NEBL: variants seen among roughly 807,000 people sequenced by gnomAD.
The protein encoded by NEBL is LIM and SH3 protein 2.
In NEBL, 122 loss-of-function variants were observed where a neutral mutation model predicts 140.2. That is an observed-to-expected ratio of 0.87 (90% CI 0.75 to 1.01). NEBL has a LOEUF of 1.01. Ranked by LOEUF, NEBL falls within the 50% of genes least tolerant of loss-of-function variation. NEBL has a pLI of 0.00. For missense variants in NEBL, 1,365 were observed against 1,231.3 expected (o/e 1.11, Z -1.62); for synonymous variants, 436 against 398.9 (o/e 1.09, Z -1.11).
rs186286292 is a variant in NEBL at position 21,258,032 on chromosome 10, G to C, written n.183-6204C>G. ...AGGGCCTGAGATAAGATCTTGTGTTGTATTTTGTTTGGAAGATGATTCCGG... is the reference window on the plus strand; with the variant it reads ...AGGGCCTGAGATAAGATCTTGTGTTCTATTTTGTTTGGAAGATGATTCCGG... On this transcript the variant is annotated intron_variant and non_coding_transcript_variant, in intron 1 of 8. Transcript: ENST00000675702. Among the ~76,000 whole-genome samples, 298 of 152,298 alleles carry C rather than the reference G, an allele frequency of 2.0e-3. 3 individuals carry two copies. Among genetic ancestry groups the C allele is most frequent in the Middle Eastern group, 3.4e-3 (1 of 294 alleles).
At chr10:21,227,785 C>CT (rs1564546075) in intron 3 of NEBL, among the ~76,000 whole-genome samples, 31 of 130,356 alleles carry the variant, frequency 2.4e-4, no homozygotes, top group African/African-American at 8.0e-4. Context: ...CTTCTTCTTT[C>CT]TCTTCTTTCT....
chr10:21,128,439 C>G (rs545886664), intron 2 of NEBL, among the ~76,000 whole-genome samples: 2 of 152,122 alleles, frequency 1.3e-5, no homozygotes, highest in South Asian at 4.2e-4. Context: ...CTCATGTACA[C>G]TTTACACATG....
chr10:21,009,950 G>A (rs77627056), intron 3 of NEBL, among the ~76,000 whole-genome samples: 2,130 of 152,226 alleles, frequency 0.014, 50 homozygotes, highest in African/African-American at 0.047. Flanking sequence ...CAGGCTGCTG[G>A]TTACCCCTAG....
chr10:21,206,236 C>T (rs1841822924), intron 3 of NEBL, among the ~76,000 whole-genome samples: 1 of 152,142 alleles, frequency 6.6e-6, no homozygotes, highest in South Asian at 2.1e-4. Context: ...CCTAAGGAGA[C>T]AGAATTAAGT....
intron 24 of NEBL, among the ~76,000 whole-genome samples, chr10:20,810,349 G>A (rs186091282): frequency 7.3e-4 from 111 of 151,808 alleles, no homozygotes; most frequent in African/African-American, 2.5e-3. Context: ...AGAAGTTTAT[G>A]TTTAAAAAAC....
intron 18 of NEBL, 123 bp downstream of exon 18, chr10:20,826,324 T>C (rs1160661401): frequency 2.4e-5 from 19 of 790,398 alleles, no homozygotes; most frequent in South Asian, 1.8e-4. Flanking sequence ...TATGATGAAA[T>C]AGCATTTCAA....
rs149952543 is a variant in NEBL, at chr10:20,913,882, G to C, written c.357+47790C>G. 6.3e-3 allele frequency among the ~76,000 whole-genome samples: 953 copies of C among 152,244 alleles called. 9 individuals are homozygous for C. Among genetic ancestry groups the C allele is most frequent in the African/African-American group, 0.021 (880 of 41,542 alleles). Reference sequence around the variant, plus strand: ...GAGCCATTTATGTTCAAAAACTGGAGTTTTCTTTTTCAGGCTGTTAGCCTT... The same window carrying C: ...GAGCCATTTATGTTCAAAAACTGGACTTTTCTTTTTCAGGCTGTTAGCCTT... On this transcript the variant is annotated intron_variant, in intron 4 of 6. Coordinates refer to the NEBL transcript ENST00000417816.
intron 4 of NEBL, among the ~76,000 whole-genome samples, chr10:20,948,989 C>T (rs1423606480): frequency 4.6e-5 from 7 of 152,194 alleles, no homozygotes; most frequent in African/African-American, 1.7e-4. Context: ...GTGGCAAACA[C>T]ATATGTCACA....
At chr10:21,235,186 C>T (rs1475801350) in intron 3 of NEBL, among the ~76,000 whole-genome samples, 1 of 152,040 alleles carries the variant, frequency 6.6e-6, no homozygotes, top group Non-Finnish European at 1.5e-5. Context: ...GTCCCAGCTG[C>T]TCGGGAAGCT....
intron 2 of NEBL, among the ~76,000 whole-genome samples, chr10:21,059,126 C>T (rs1210502722): frequency 6.6e-6 from 1 of 152,166 alleles, no homozygotes; most frequent in Non-Finnish European, 1.5e-5. Context: ...TACTATTAAC[C>T]ACCACCCCCA....
At chr10:20,892,704 G>A (rs1847130880) in intron 2 of NEBL, among the ~76,000 whole-genome samples, 1 of 152,178 alleles carries the variant, frequency 6.6e-6, no homozygotes, top group Admixed American at 6.5e-5. Flanking sequence ...GATGAATTTA[G>A]TGCAGGGTCG....
intron 4 of NEBL, among the ~76,000 whole-genome samples, chr10:20,937,727 G>C (rs1336951586): frequency 2.6e-5 from 4 of 152,122 alleles, no homozygotes; most frequent in African/African-American, 7.2e-5. Flanking sequence ...TGGAAAATCG[G>C]GTCACTCCCA....
At chr10:20,903,164 T>C (rs1325026488) in intron 4 of NEBL, among the ~76,000 whole-genome samples, 2 of 152,174 alleles carry the variant, frequency 1.3e-5, no homozygotes, top group African/African-American at 4.8e-5. Context: ...TTCCTATACA[T>C]ACATACCTAT....
At chr10:20,915,608 G>C (rs56787413) in intron 4 of NEBL, among the ~76,000 whole-genome samples, 2,102 of 151,706 alleles carry the variant, frequency 0.014, 35 homozygotes, top group African/African-American at 0.048. Context: ...TGGCTGCATA[G>C]TATTCCATGG....
In NEBL at chr10:21,231,027, G is replaced by A. The variant is rs565240817; in HGVS notation, n.348+16894C>T. 6.6e-5 allele frequency among the ~76,000 whole-genome samples: 10 copies of A among 152,296 alleles called. No individual in the cohort carries two copies. In the South Asian group the frequency reaches 1.5e-3, roughly 22 times the overall value. On this transcript the variant is annotated intron_variant and non_coding_transcript_variant, in intron 3 of 8. Coordinates refer to the NEBL transcript ENST00000675702. ...TATGTCTTCCGTCCAAATGAAGCAC[G>A]ATCCATGGACCAAAAGAAAGTCAAT... is the stretch of plus-strand genomic sequence containing the variant.
chr10:21,012,939 G>A (rs1026593940), intron 3 of NEBL, among the ~76,000 whole-genome samples: 9 of 152,186 alleles, frequency 5.9e-5, no homozygotes, highest in African/African-American at 2.2e-4. Flanking sequence ...TCTCAGGAGG[G>A]TTGAGAGTAG....
chr10:20,924,781 A>G (rs1343574131), intron 4 of NEBL, among the ~76,000 whole-genome samples: 1 of 152,132 alleles, frequency 6.6e-6, no homozygotes, highest in Non-Finnish European at 1.5e-5. Context: ...CCATAGAAAG[A>G]GATTACAAAC....
At chr10:20,887,770 G>A (rs1181011625) in intron 4 of NEBL, among the ~76,000 whole-genome samples, 6 of 151,906 alleles carry the variant, frequency 3.9e-5, no homozygotes, top group Admixed American at 3.9e-4. Flanking sequence ...CTCTACTTAG[G>A]GATCATATAT....
At chr10:21,169,063 AAAAAATAT>A (rs1230297062) in intron 2 of NEBL, among the ~76,000 whole-genome samples, 92 of 35,242 alleles carry the variant, frequency 2.6e-3, no homozygotes, top group African/African-American at 3.4e-3. Context: ...AAAAAAAAAA[AAAAAATAT>A]ATATATATAT....
Sources: allele counts gnomAD v4.1 joint callset (sites outside exome capture counted in the v4.1 genomes callset), GRCh38; gene constraint gnomAD v4.1.1; transcripts MANE v1.5; gene names NCBI Gene and HGNC (gene_info 2026-07-23, HGNC 2026-07-21).